Variants in RBPMS observed in about 807,000 individuals in gnomAD.
RBPMS encodes RNA binding protein, mRNA processing factor.
In RBPMS, 7 loss-of-function variants were observed where a neutral mutation model predicts 26.8. The observed-to-expected ratio is 0.26, with a 90% CI of 0.15 to 0.49. The LOEUF is 0.49. RBPMS is among the 20% of genes least tolerant of loss of function. The pLI, the probability that RBPMS is intolerant of heterozygous loss-of-function variation, is 0.98. For missense variants in RBPMS, 186 were observed against 250.0 expected (o/e 0.74, Z 1.73); for synonymous variants, 96 against 93.3 (o/e 1.03, Z -0.17).
intron 4 of RBPMS, among the ~76,000 whole-genome samples, chr8:30,482,445 A>G (rs1818380465): frequency 6.6e-6 from 1 of 152,088 alleles, no homozygotes; most frequent in African/African-American, 2.4e-5. Flanking sequence ...TTCTGTCTTG[A>G]TTGCTATCTG....
Position 30,439,759 on chromosome 8 carries a change from C to G in RBPMS, c.67-35020C>G, listed in dbSNP as rs572303043. Reference sequence around the variant, plus strand: ...CAGCCTTGACCTGGCTCAGGCAGTCCTCCTACCTCAGCTTCCTGAGTAGGT... The same window carrying G: ...CAGCCTTGACCTGGCTCAGGCAGTCGTCCTACCTCAGCTTCCTGAGTAGGT... On this transcript the variant is annotated intron_variant, in intron 1 of 8. Coordinates refer to ENST00000397323, the MANE Select transcript of RBPMS (RefSeq NM_001008710.3). 4.1e-3 allele frequency among the ~76,000 whole-genome samples: 631 copies of G among 152,250 alleles called. 3 individuals are homozygous for G. Among genetic ancestry groups the G allele is most frequent in the African/African-American group, 0.014 (589 of 41,526 alleles).
At chr8:30,479,178 G>A (rs1005370770) in intron 3 of RBPMS, 137 bp from the exon 4 acceptor site, 1 of 662,234 alleles carries the variant, frequency 1.5e-6, no homozygotes, top group African/African-American at 1.8e-5. Context: ...TGATTCTTCG[G>A]GACTTCGCTT....
intron 1 of RBPMS, among the ~76,000 whole-genome samples, chr8:30,426,680 C>CTTT (rs796851926): frequency 3.1e-5 from 4 of 127,696 alleles, no homozygotes; most frequent in Middle Eastern, 4.0e-3. Flanking sequence ...CAGTGATTTT[C>CTTT]TTTTTTTTTT....
chr8:30,492,931 G>A (rs1226773027), intron 4 of RBPMS, among the ~76,000 whole-genome samples: 1 of 151,804 alleles, frequency 6.6e-6, no homozygotes, highest in Non-Finnish European at 1.5e-5. Context: ...TCACATAATC[G>A]GGAAATCATT....
intron 5 of RBPMS, among the ~76,000 whole-genome samples, chr8:30,527,522 C>T (rs557756257): frequency 2.6e-5 from 4 of 152,326 alleles, no homozygotes; most frequent in African/African-American, 7.2e-5. Context: ...ACTACCATCT[C>T]GTCACCCACT....
chr8:30,546,430 A>C (rs1343800233), intron 6 of RBPMS, among the ~76,000 whole-genome samples: 1 of 152,214 alleles, frequency 6.6e-6, no homozygotes, highest in Non-Finnish European at 1.5e-5. Flanking sequence ...ATCAGAAGTA[A>C]TTCTGGAGAT....
chr8:30,496,660 G>A (rs930350953), intron 4 of RBPMS, among the ~76,000 whole-genome samples: 1 of 152,132 alleles, frequency 6.6e-6, no homozygotes, highest in Non-Finnish European at 1.5e-5. Flanking sequence ...CCATTCCTGT[G>A]ATCTTTACTC....
chr8:30,520,423 G>C (rs1822905319), intron 5 of RBPMS, among the ~76,000 whole-genome samples: 1 of 152,080 alleles, frequency 6.6e-6, no homozygotes, highest in African/African-American at 2.4e-5. Context: ...TATATTTTCA[G>C]GGGTTTCAGT....
intron 5 of RBPMS, among the ~76,000 whole-genome samples, chr8:30,510,077 G>T (rs574685092): frequency 5.3e-5 from 8 of 152,304 alleles, no homozygotes; most frequent in African/African-American, 1.9e-4. Context: ...AAGTGGCTCA[G>T]TAGGGCCGAA....
At chr8:30,471,081 A>G (rs1234763758) in intron 1 of RBPMS, among the ~76,000 whole-genome samples, 1 of 152,218 alleles carries the variant, frequency 6.6e-6, no homozygotes, top group Non-Finnish European at 1.5e-5. Context: ...TATTTATTTT[A>G]GAAAGATGGA....
At chr8:30,450,186 A>G (rs1220922860) in intron 1 of RBPMS, among the ~76,000 whole-genome samples, 3 of 152,230 alleles carry the variant, frequency 2.0e-5, no homozygotes, top group Admixed American at 2.0e-4. Flanking sequence ...AGACACTTTA[A>G]AATCAACGAG....
chr8:30,417,106 A>G (rs1415560737), intron 1 of RBPMS, among the ~76,000 whole-genome samples: 2 of 152,144 alleles, frequency 1.3e-5, no homozygotes, highest in Non-Finnish European at 2.9e-5. Flanking sequence ...TTGTTCTTCT[A>G]AGAGACAGAT....
At chr8:30,526,214 A>G (rs768906470) in intron 5 of RBPMS, among the ~76,000 whole-genome samples, 6 of 152,184 alleles carry the variant, frequency 3.9e-5, no homozygotes, top group South Asian at 2.1e-4. Context: ...CAGCTCTGGG[A>G]GTCCAAACAG....
intron 7 of RBPMS, among the ~76,000 whole-genome samples, chr8:30,562,858 T>C (rs1442828343): frequency 2.0e-5 from 3 of 152,178 alleles, no homozygotes; most frequent in Non-Finnish European, 4.4e-5. Flanking sequence ...CCAGAGGTCC[T>C]TCAAGGATTT....
Position 30,504,394 on chromosome 8 carries a change from C to T in RBPMS, c.355C>T (p.Pro119Ser), listed in dbSNP as rs751021469. 1 of 1,614,218 alleles carries T rather than the reference C, an allele frequency of 6.2e-7. No individual in the cohort carries two copies. Among genetic ancestry groups the T allele is most frequent in the Non-Finnish European group, 8.5e-7 (1 of 1,180,016 alleles). Reference sequence around the variant, plus strand: ...CGTAGGGACTCCAAACCCCAGTACTCCTCTGCCCAACACTGTACCTCAGTT... The same window carrying T: ...CGTAGGGACTCCAAACCCCAGTACTTCTCTGCCCAACACTGTACCTCAGTT... ...KLVGTPNPSTPLPNTVPQFIA... is the reference protein window; with the variant it reads ...KLVGTPNPSTSLPNTVPQFIA... The change falls in exon 5 of 9, where the codon CCT (proline) becomes TCT (serine). Residue 119 changes from proline (P) to serine (S), a missense_variant. Coordinates refer to ENST00000397323, the MANE Select transcript of RBPMS (RefSeq NM_001008710.3).
At chr8:30,541,955 G>C (rs1051639109) in intron 5 of RBPMS, among the ~76,000 whole-genome samples, 1 of 152,236 alleles carries the variant, frequency 6.6e-6, no homozygotes, top group African/African-American at 2.4e-5. Context: ...GGCTCATACT[G>C]GAAAGTTAGG....
At chr8:30,432,652 G>T (rs1465905999) in intron 1 of RBPMS, among the ~76,000 whole-genome samples, 1 of 152,214 alleles carries the variant, frequency 6.6e-6, no homozygotes, top group African/African-American at 2.4e-5. Context: ...AAAGTGTAGT[G>T]TGTAGGCTTC....
intron 5 of RBPMS, among the ~76,000 whole-genome samples, chr8:30,522,490 G>A (rs190974660): frequency 3.9e-5 from 6 of 152,134 alleles, no homozygotes; most frequent in East Asian, 3.9e-4. Flanking sequence ...CCTGGGCAAC[G>A]CACCAAGACC....
At chr8:30,505,800 A>G (rs1040789023) in intron 5 of RBPMS, among the ~76,000 whole-genome samples, 11 of 152,154 alleles carry the variant, frequency 7.2e-5, no homozygotes, top group Admixed American at 7.2e-4. Flanking sequence ...TACTTGTAGA[A>G]CTGTAGATGC....
Sources: gnomAD v4.1 joint callset for allele counts (sites outside exome capture counted in the v4.1 genomes callset) on GRCh38, gnomAD v4.1.1 for gene constraint, MANE v1.5 for transcripts, NCBI Gene and HGNC (gene_info 2026-07-23, HGNC 2026-07-21) for gene names.